LRMDA: variants seen among roughly 807,000 people sequenced by gnomAD.
LRMDA encodes the protein leucine-rich melanocyte differentiation-associated protein.
In LRMDA, 18 loss-of-function variants were observed where a neutral mutation model predicts 29.8. That is an observed-to-expected ratio of 0.60 (90% CI 0.42 to 0.90). The LOEUF is 0.90. LRMDA is among the 40% of genes least tolerant of loss of function. The pLI, the probability that LRMDA is intolerant of heterozygous loss-of-function variation, is 0.00. For missense variants in LRMDA, 273 were observed against 273.9 expected (o/e 1.00, Z 0.02); for synonymous variants, 125 against 109.4 (o/e 1.14, Z -0.89).
intron 2 of LRMDA, among the ~76,000 whole-genome samples, chr10:75,908,526 G>C (rs918790835): frequency 2.6e-5 from 4 of 152,144 alleles, no homozygotes; most frequent in Non-Finnish European, 4.4e-5. Context: ...TGGGAGGAAG[G>C]GTTTAGGGAC....
At chr10:76,104,628 G>A (rs1029143358) in intron 5 of LRMDA, among the ~76,000 whole-genome samples, 3 of 152,078 alleles carry the variant, frequency 2.0e-5, no homozygotes, top group Admixed American at 1.3e-4. Context: ...CAGTGTCCCC[G>A]GGGTTCCTTT....
In LRMDA at chr10:75,578,215, C is replaced by CAAAAAAAAAAAAAAAAAAAAAAAAAAA. The variant is rs1183989010; in HGVS notation, c.131+139745_131+139746insAAAAAAAAAAAAAAAAAAAAAAAAAAA. Among the ~76,000 whole-genome samples, 13 of 14,226 alleles carry CAAAAAAAAAAAAAAAAAAAAAAAAAAA rather than the reference C, an allele frequency of 9.1e-4. 3 individuals carry two copies. The highest frequency in any genetic ancestry group is 1.4e-3 in the Non-Finnish European group (8 of 5,888). The allele number at this position is 14,226 out of a possible 152,430, so 9.3% of individuals were successfully genotyped here. A position where few individuals can be genotyped will look rare whatever the true frequency, so the allele number is the denominator to read the frequency against. ...GTATATTTACCAAGCAAATGGAAAGCAAAAAAAAAAAAAAAAAAAAAAAAG... is the reference window on the plus strand; with the variant it reads ...GTATATTTACCAAGCAAATGGAAAGCAAAAAAAAAAAAAAAAAAAAAAAAAAAAAAAAAAAAAAAAAAAAAAAAAAAG... On this transcript the variant is annotated intron_variant, in intron 2 of 6. Transcript: ENST00000611255.
At chr10:75,837,371 A>C (rs1000424556) in intron 2 of LRMDA, among the ~76,000 whole-genome samples, 2 of 152,162 alleles carry the variant, frequency 1.3e-5, no homozygotes, top group Non-Finnish European at 2.9e-5. Flanking sequence ...TTGAATGATC[A>C]AACACTTTTT....
intron 2 of LRMDA, among the ~76,000 whole-genome samples, chr10:75,590,499 T>C (rs1414638461): frequency 1.3e-5 from 2 of 152,036 alleles, no homozygotes; most frequent in African/African-American, 4.8e-5. Context: ...GTGAAAACAG[T>C]TGGGGAGTCA....
intron 6 of LRMDA, among the ~76,000 whole-genome samples, chr10:76,365,683 C>T (rs1054937378): frequency 8.5e-5 from 13 of 152,170 alleles, no homozygotes; most frequent in African/African-American, 1.2e-4. Context: ...GATTTTCTCC[C>T]GCTCTGCGGG....
intron 2 of LRMDA, among the ~76,000 whole-genome samples, chr10:75,593,376 C>T (rs1436849024): frequency 6.6e-6 from 1 of 152,218 alleles, no homozygotes; most frequent in Admixed American, 6.5e-5. Context: ...GCAGTAAACT[C>T]TGCAGTCATT....
chr10:76,283,327 G>T (rs552362932), intron 5 of LRMDA, among the ~76,000 whole-genome samples: 1 of 152,296 alleles, frequency 6.6e-6, no homozygotes, highest in East Asian at 1.9e-4. Flanking sequence ...CAAGATCAGT[G>T]ATAGCCTTAC....
intron 6 of LRMDA, among the ~76,000 whole-genome samples, chr10:76,427,449 A>T (rs1302688840): frequency 6.6e-6 from 1 of 152,106 alleles, no homozygotes; most frequent in Non-Finnish European, 1.5e-5. Context: ...TTGCACATTG[A>T]TTTTGTATCT....
At chr10:75,911,012 T>C (rs1431419009) in intron 2 of LRMDA, among the ~76,000 whole-genome samples, 1 of 132,260 alleles carries the variant, frequency 7.6e-6, no homozygotes, top group Admixed American at 9.1e-5. Context: ...TTAAACAGCA[T>C]TTTTTTTTTG....
At chr10:76,528,531 T>G (rs1843202092) in intron 6 of LRMDA, among the ~76,000 whole-genome samples, 2 of 152,134 alleles carry the variant, frequency 1.3e-5, no homozygotes, top group Admixed American at 1.3e-4. Context: ...ACACTTAATT[T>G]TTTTACAATG....
At chr10:76,475,775 T>C (rs1435671552) in intron 6 of LRMDA, among the ~76,000 whole-genome samples, 1 of 152,092 alleles carries the variant, frequency 6.6e-6, no homozygotes, top group Non-Finnish European at 1.5e-5. Context: ...ACATGGAAAC[T>C]GAACAACCTG....
At chr10:76,198,498 CAG>C (rs1164464780) in intron 5 of LRMDA, among the ~76,000 whole-genome samples, 9 of 152,186 alleles carry the variant, frequency 5.9e-5, no homozygotes, top group African/African-American at 2.2e-4. Context: ...TGTGTCAGGA[CAG>C]AGTAGTTGAG....
At chr10:75,456,260 G>T (rs1289155303) in intron 2 of LRMDA, among the ~76,000 whole-genome samples, 1 of 152,242 alleles carries the variant, frequency 6.6e-6, no homozygotes, top group Non-Finnish European at 1.5e-5. Context: ...GCTGTTAGAA[G>T]GGTCACGGTT....
intron 2 of LRMDA, among the ~76,000 whole-genome samples, chr10:75,903,907 GCTT>G (rs1439312412): frequency 6.6e-6 from 1 of 152,198 alleles, no homozygotes; most frequent in Non-Finnish European, 1.5e-5. Flanking sequence ...CCAAACTTCA[GCTT>G]CTTCGCAAAT....
intron 2 of LRMDA, among the ~76,000 whole-genome samples, chr10:75,650,927 A>G (rs952134532): frequency 6.6e-5 from 10 of 152,172 alleles, no homozygotes; most frequent in Admixed American, 2.0e-4. Flanking sequence ...TGGTCGCCCC[A>G]GCATCAAAGG....
At chr10:76,246,616 A>C (rs369879005) in intron 5 of LRMDA, among the ~76,000 whole-genome samples, 5 of 152,218 alleles carry the variant, frequency 3.3e-5, no homozygotes, top group African/African-American at 1.2e-4. Flanking sequence ...TAGGTCCTGC[A>C]ACCTTTCTTG....
chr10:76,220,591 T>C (rs929571540), intron 5 of LRMDA, among the ~76,000 whole-genome samples: 4 of 152,198 alleles, frequency 2.6e-5, no homozygotes, highest in Non-Finnish European at 5.9e-5. Context: ...AATCTCTGAA[T>C]AGACCAATAA....
At chr10:75,874,215 C>T (rs1845159689) in intron 2 of LRMDA, among the ~76,000 whole-genome samples, 2 of 152,174 alleles carry the variant, frequency 1.3e-5, no homozygotes, top group South Asian at 4.1e-4. Flanking sequence ...GAAGGGGCTT[C>T]AAGCTCATTT....
intron 2 of LRMDA, among the ~76,000 whole-genome samples, chr10:75,606,196 G>T (rs2132095016): frequency 6.6e-6 from 1 of 151,716 alleles, no homozygotes; most frequent in East Asian, 1.9e-4. Context: ...AAAGTTCACT[G>T]CTGGTAACTC....
Sources: allele counts gnomAD v4.1 joint callset (sites outside exome capture counted in the v4.1 genomes callset), GRCh38; gene constraint gnomAD v4.1.1; transcripts MANE v1.5; gene names NCBI Gene and HGNC (gene_info 2026-07-23, HGNC 2026-07-21).